Variants in HERC2 observed in about 807,000 individuals in gnomAD.
HERC2 encodes E3 ubiquitin-protein ligase HERC2.
A neutral mutation model predicts 537.7 loss-of-function variants in HERC2; 102 were observed. The ratio of observed to expected loss-of-function variants is 0.19; its 90% confidence interval spans 0.16 to 0.22. HERC2 has a LOEUF of 0.22. Ranked by LOEUF, HERC2 falls within the 10% of genes least tolerant of loss-of-function variation. The probability of loss-of-function intolerance (pLI) is 1.00; values close to 1 mark genes in which losing one functional copy is unlikely to be tolerated. For synonymous variants in HERC2, 2,224 were observed against 2,466.2 expected (o/e 0.90, Z 2.91); for missense variants, 4,236 against 6,198.2 (o/e 0.68, Z 10.63).
At position 28,213,979 on chromosome 15, in the gene HERC2, C is replaced by CA. The variant is rs1373269381; in HGVS notation, c.6556-8dup. 1 of 1,612,504 alleles carries CA rather than the reference C, an allele frequency of 6.2e-7. No individual in the cohort carries two copies. Among genetic ancestry groups the CA allele is most frequent in the Admixed American group, 1.7e-5 (1 of 59,992 alleles). ...AGTAGTCCTCTAACTGGGCCTAGTG[C>CA]AGACCAAACAGCGAGCTCGACAGAG... is the stretch of plus-strand genomic sequence containing the variant. On this transcript the variant is annotated splice_region_variant and splice_polypyrimidine_tract_variant and intron_variant, in intron 41 of 92. Coordinates refer to ENST00000261609, the MANE Select transcript of HERC2 (RefSeq NM_004667.6).
At chr15:28,300,827 A>AC in intron 2 of HERC2, among the ~76,000 whole-genome samples, 1 of 81,004 alleles carries the variant, frequency 1.2e-5, no homozygotes, top group South Asian at 4.4e-4. Context: ...CCATCTCAAA[A>AC]AAAAAAAAAA....
chr15:28,119,162 G>A (rs371701003), intron 86 of HERC2, among the ~76,000 whole-genome samples: 13 of 152,154 alleles, frequency 8.5e-5, no homozygotes, highest in Admixed American at 5.2e-4. Context: ...TTGGGAGGCC[G>A]AGGCGAGTGG....
intron 52 of HERC2, among the ~76,000 whole-genome samples, chr15:28,193,860 C>T (rs940081099): frequency 6.6e-6 from 1 of 152,020 alleles, no homozygotes; most frequent in African/African-American, 2.4e-5. Context: ...CATTTTCAGA[C>T]ATACAAAAAT....
chr15:28,153,677 T>C (rs927136786), intron 69 of HERC2, among the ~76,000 whole-genome samples: 2 of 152,016 alleles, frequency 1.3e-5, no homozygotes, highest in Admixed American at 6.5e-5. Flanking sequence ...AAAAAAGTAG[T>C]TGGAAGGCTC....
chr15:28,249,215 C>G (rs1904022388), intron 20 of HERC2, among the ~76,000 whole-genome samples: 1 of 152,198 alleles, frequency 6.6e-6, no homozygotes, highest in East Asian at 1.9e-4. Context: ...ACAAGACTCG[C>G]CTGCATTGCC....
chr15:28,226,597 A>G (rs1901199210), intron 35 of HERC2, among the ~76,000 whole-genome samples: 1 of 152,232 alleles, frequency 6.6e-6, no homozygotes, highest in South Asian at 2.1e-4. Flanking sequence ...AAAAGAAATT[A>G]CCTAAAAATG....
At chr15:28,261,962 G>A (rs901769863) in intron 15 of HERC2, among the ~76,000 whole-genome samples, 4 of 151,360 alleles carry the variant, frequency 2.6e-5, no homozygotes, top group Non-Finnish European at 2.9e-5. Context: ...CACACACAAC[G>A]CAGCCCAAGG....
rs1423981564 is a variant in HERC2, at chr15:28,136,114, A to AC, written c.12016-423_12016-422insG. Among the ~76,000 whole-genome samples, 9 of 37,558 alleles carry AC rather than the reference A, an allele frequency of 2.4e-4. No individual in the cohort carries two copies. The East Asian group carries it at 7.7e-3, about 32-fold the overall frequency. 24.6% of individuals were successfully genotyped at this position (37,558 alleles called of 152,430 possible). On this transcript the variant is annotated intron_variant, in intron 78 of 92. Coordinates refer to ENST00000261609, the MANE Select transcript of HERC2 (RefSeq NM_004667.6). ...TTCAGCAGGGCAGCATATAAACCACAAGGGAAAAAACACCTTTTTTTTTTT... is the reference window on the plus strand; with the variant it reads ...TTCAGCAGGGCAGCATATAAACCACACAGGGAAAAAACACCTTTTTTTTTTT...
chr15:28,112,297 G>A (rs911249721), intron 92 of HERC2, among the ~76,000 whole-genome samples: 2 of 152,194 alleles, frequency 1.3e-5, no homozygotes, highest in African/African-American at 4.8e-5. Context: ...CACCTGTGTG[G>A]ATGCGGGGCG....
intron 55 of HERC2, among the ~76,000 whole-genome samples, chr15:28,187,267 T>C (rs1896395610): frequency 6.6e-6 from 1 of 152,214 alleles, no homozygotes; most frequent in African/African-American, 2.4e-5. Context: ...TAAAAAATTC[T>C]AGGCATTATG....
intron 69 of HERC2, among the ~76,000 whole-genome samples, chr15:28,155,763 TTA>T (rs1892945197): frequency 2.0e-5 from 3 of 152,196 alleles, no homozygotes; most frequent in African/African-American, 7.2e-5. Context: ...GCTCTTTAGT[TTA>T]ATTGGATCCC....
At chr15:28,112,926 A>G in intron 92 of HERC2, 145 bp downstream of exon 92, 3 of 669,858 alleles carry the variant, frequency 4.5e-6, no homozygotes, top group Non-Finnish European at 7.5e-6. Context: ...CCTTCACATC[A>G]GAGAAGTTCG....
At chr15:28,183,613 C>A (rs1471771531) in intron 56 of HERC2, among the ~76,000 whole-genome samples, 1 of 152,202 alleles carries the variant, frequency 6.6e-6, no homozygotes, top group Non-Finnish European at 1.5e-5. Flanking sequence ...TGGTCTGATG[C>A]CAGGTGCTAA....
chr15:28,188,290 C>G (rs1235638437), intron 55 of HERC2, among the ~76,000 whole-genome samples: 2 of 152,254 alleles, frequency 1.3e-5, no homozygotes, highest in Non-Finnish European at 2.9e-5. Flanking sequence ...CGCCTGTAAT[C>G]CCAGCACTTT....
Position 28,321,614 on chromosome 15 carries a change from G to A in HERC2, c.-31-150C>T, listed in dbSNP as rs549267831. 311 of 374,550 alleles carry A rather than the reference G, an allele frequency of 8.3e-4. 6 individuals are homozygous for A. Among genetic ancestry groups the A allele is most frequent in the Non-Finnish European group, 6.1e-4 (135 of 220,766 alleles). 23.2% of individuals were successfully genotyped at this position (374,550 alleles called of 1,614,324 possible). On this transcript the variant is annotated intron_variant, in intron 1 of 92. Coordinates refer to ENST00000261609, the MANE Select transcript of HERC2 (RefSeq NM_004667.6). ...GAGAGAAGGGGAGAGAGGGAAAGAGGGAAGAGATGGAGGGAGAGGGAGGTG... is the reference window on the plus strand; with the variant it reads ...GAGAGAAGGGGAGAGAGGGAAAGAGAGAAGAGATGGAGGGAGAGGGAGGTG...
At chr15:28,120,196 G>T (rs989588552) in intron 86 of HERC2, among the ~76,000 whole-genome samples, 1 of 152,178 alleles carries the variant, frequency 6.6e-6, no homozygotes, top group African/African-American at 2.4e-5. Context: ...TTTATGTGAG[G>T]ACGTGACTGA....
intron 38 of HERC2, among the ~76,000 whole-genome samples, chr15:28,216,121 A>G (rs1899875070): frequency 6.6e-6 from 1 of 152,038 alleles, no homozygotes; most frequent in African/African-American, 2.4e-5. Context: ...GACTACGGGC[A>G]TTTTTAAAAC....
chr15:28,254,288 C>CA (rs2075182038), intron 20 of HERC2, 52 bp downstream of exon 20: 61 of 1,333,320 alleles, frequency 4.6e-5, no homozygotes, highest in Middle Eastern at 2.5e-4. Flanking sequence ...GTCACACACA[C>CA]AAAAAAAAGT....
chr15:28,274,475 C>T (rs760697983), intron 6 of HERC2, 28 bp from the exon 7 acceptor site: 1 of 1,574,260 alleles, frequency 6.4e-7, no homozygotes, highest in Non-Finnish European at 8.6e-7. Flanking sequence ...TCAGAGGAGC[C>T]CCCCCACTCC....
Sources: allele counts gnomAD v4.1 joint callset (sites outside exome capture counted in the v4.1 genomes callset), GRCh38; gene constraint gnomAD v4.1.1; transcripts MANE v1.5; gene names NCBI Gene and HGNC (gene_info 2026-07-23, HGNC 2026-07-21).